The following NLGN4X variants were observed in gnomAD, a reference collection of about 807,000 sequenced individuals.
NLGN4X encodes neuroligin-4, X-linked.
In NLGN4X, 3 loss-of-function variants were observed where a neutral mutation model predicts 40.3. That is an observed-to-expected ratio of 0.07 (90% CI 0.03 to 0.19). NLGN4X has a LOEUF of 0.19. NLGN4X is among the 10% of genes least tolerant of loss of function. The pLI is 1.00. For missense variants in NLGN4X, 382 were observed against 708.3 expected, an observed-to-expected ratio of 0.54 and a Z score of 5.23; for synonymous variants, 270 against 306.8, an observed-to-expected ratio of 0.88 and a Z score of 1.25.
chrX:6,080,868 G>A (rs909296573), intron 2 of NLGN4X, among the ~76,000 whole-genome samples: 1 of 110,855 alleles, frequency 9.0e-6, no homozygotes, highest in Admixed American at 9.6e-5. Context: ...TAGAGACAGC[G>A]TCTCACTATG....
chrX:6,072,316 CCT>C (rs780963536), intron 2 of NLGN4X, among the ~76,000 whole-genome samples: 283 of 111,316 alleles, frequency 2.5e-3, no homozygotes, highest in Non-Finnish European at 3.9e-3. Flanking sequence ...AGAGAACGCC[CCT>C]GTTTTCTTAG....
At chrX:6,129,881 CT>C (rs1228153546) in intron 2 of NLGN4X, among the ~76,000 whole-genome samples, 3,587 of 96,796 alleles carry the variant, frequency 0.037, 104 homozygotes, top group African/African-American at 0.1. Context: ...GATACCAAAT[CT>C]TTTTTTTTTT....
At chrX:6,136,694 T>G (rs2039826603) in intron 2 of NLGN4X, among the ~76,000 whole-genome samples, 1 of 112,452 alleles carries the variant, frequency 8.9e-6, no homozygotes, top group Non-Finnish European at 1.9e-5. Flanking sequence ...TGTTCCATTA[T>G]CTCTACCATA....
At chrX:5,926,936 C>CTATCTATT (rs1555921580) in intron 3 of NLGN4X, among the ~76,000 whole-genome samples, 9 of 89,962 alleles carry the variant, frequency 1.0e-4, no homozygotes, top group African/African-American at 4.5e-4. Context: ...TCTATATCTT[C>CTATCTATT]TATCTATCTA....
At chrX:6,095,160 A>T (rs2038741477) in intron 2 of NLGN4X, among the ~76,000 whole-genome samples, 1 of 100,366 alleles carries the variant, frequency 1.0e-5, no homozygotes, top group South Asian at 4.8e-4. Flanking sequence ...TAATTATGGC[A>T]ATGTTGCTAA....
chrX:6,006,849 G>A (rs758936154), intron 3 of NLGN4X, among the ~76,000 whole-genome samples: 29 of 111,829 alleles, frequency 2.6e-4, no homozygotes, highest in South Asian at 7.5e-4. Flanking sequence ...ACTGTTGGTG[G>A]GAAGGTAAAT....
intron 3 of NLGN4X, among the ~76,000 whole-genome samples, chrX:5,979,336 G>A (rs949804892): frequency 9.0e-6 from 1 of 111,091 alleles, no homozygotes. Flanking sequence ...ATGGACATAT[G>A]CTCCTCTTTT....
At chrX:6,079,208 C>A (rs1318699498) in intron 2 of NLGN4X, among the ~76,000 whole-genome samples, 1 of 111,634 alleles carries the variant, frequency 9.0e-6, no homozygotes, top group East Asian at 2.8e-4. Flanking sequence ...CTCTCTTATA[C>A]CACGGAAGGT....
chrX:5,949,475 T>A (rs2146938389), intron 3 of NLGN4X, among the ~76,000 whole-genome samples: 1 of 111,348 alleles, frequency 9.0e-6, no homozygotes, highest in South Asian at 3.8e-4. Flanking sequence ...TCAGTACAAA[T>A]AAATGACTGA....
At chrX:5,933,864 C>T (rs1461296265) in intron 3 of NLGN4X, among the ~76,000 whole-genome samples, 1 of 111,293 alleles carries the variant, frequency 9.0e-6, no homozygotes, top group Non-Finnish European at 1.9e-5. Flanking sequence ...ATGCATCCAA[C>T]TCAAGAGACA....
chrX:6,137,445 A>C (rs1259635958), intron 2 of NLGN4X, among the ~76,000 whole-genome samples: 8 of 112,089 alleles, frequency 7.1e-5, no homozygotes, highest in Non-Finnish European at 1.3e-4. Flanking sequence ...GAGAGACACA[A>C]TTCAACCATA....
chrX:6,225,888 A>G (rs1288793139), intron 1 of NLGN4X, among the ~76,000 whole-genome samples: 1 of 64,642 alleles, frequency 1.5e-5, no homozygotes, highest in South Asian at 7.5e-4. Context: ...ACAACAAACC[A>G]CCGCCCCCCC....
intron 2 of NLGN4X, among the ~76,000 whole-genome samples, chrX:6,142,978 T>C (rs1201633830): frequency 8.9e-6 from 1 of 112,194 alleles, no homozygotes; most frequent in Non-Finnish European, 1.9e-5. Flanking sequence ...TTCTTAAGCT[T>C]ACCCCTCTAC....
At chrX:6,014,877 C>T (rs2036353989) in intron 3 of NLGN4X, among the ~76,000 whole-genome samples, 1 of 111,845 alleles carries the variant, frequency 8.9e-6, no homozygotes, top group South Asian at 3.8e-4. Flanking sequence ...CCCTTCACCA[C>T]TACTTTCCAG....
chrX:5,958,979 C>T (rs759269469), intron 3 of NLGN4X, among the ~76,000 whole-genome samples: 2 of 111,947 alleles, frequency 1.8e-5, no homozygotes, highest in African/African-American at 6.5e-5. Context: ...TAACAGTAAT[C>T]GCAGAAAAAG....
At chrX:6,033,249 G>T (rs2036918597) in intron 2 of NLGN4X, among the ~76,000 whole-genome samples, 2 of 107,939 alleles carry the variant, frequency 1.9e-5, no homozygotes, top group Non-Finnish European at 3.9e-5. Flanking sequence ...CAGTAAACAT[G>T]GAAGGACTTT....
intron 3 of NLGN4X, among the ~76,000 whole-genome samples, chrX:6,006,545 C>G (rs2147143247): frequency 9.0e-6 from 1 of 110,992 alleles, no homozygotes; most frequent in East Asian, 2.8e-4. Context: ...AAAAACTAGA[C>G]CAAAGTTAGA....
Position 6,014,052 on chromosome X carries a change from C to T in NLGN4X, c.625+15228G>A, listed in dbSNP as rs184023740. Among the ~76,000 whole-genome samples the T allele has an allele frequency of 7.5e-4, 82 of 109,002 alleles. 3 individuals are homozygous for T. The East Asian group carries it at 0.023, about 31-fold the overall frequency. The allele number at this position is 109,002 out of a possible 115,157, so 94.7% of individuals were successfully genotyped here. ...AAAAAATTAGCCAGGCATGGTGGTGCGGGCCTGTAGTCCCAGCTACTCGGG... is the reference window on the plus strand; with the variant it reads ...AAAAAATTAGCCAGGCATGGTGGTGTGGGCCTGTAGTCCCAGCTACTCGGG... On this transcript the variant is annotated intron_variant, in intron 3 of 5. Transcript: ENST00000381095.
intron 3 of NLGN4X, among the ~76,000 whole-genome samples, chrX:5,941,396 CCTA>C (rs2033942688): frequency 9.0e-6 from 1 of 111,306 alleles, no homozygotes; most frequent in Non-Finnish European, 1.9e-5. Flanking sequence ...CTGAACTCTT[CCTA>C]CGGAGCTATC....
Sources: gnomAD v4.1 joint callset for allele counts (sites outside exome capture counted in the v4.1 genomes callset) on GRCh38, gnomAD v4.1.1 for gene constraint, MANE v1.5 for transcripts, NCBI Gene and HGNC (gene_info 2026-07-23, HGNC 2026-07-21) for gene names.